Variants in SGCE observed in about 807,000 individuals in gnomAD.
SGCE encodes sarcoglycan epsilon.
Under a neutral mutation model 57.8 loss-of-function variants are expected in SGCE, and 26 were observed. That is an observed-to-expected ratio of 0.45 (90% CI 0.33 to 0.62). The LOEUF is 0.62. SGCE is among the 20% of genes least tolerant of loss of function. SGCE has a pLI of 0.02. For synonymous variants in SGCE, 183 were observed against 189.5 expected (o/e 0.97, Z 0.28); for missense variants, 468 against 548.6 (o/e 0.85, Z 1.47).
At chr7:94,623,250 A>G in intron 4 of SGCE, 75 bp downstream of exon 4, 2 of 901,530 alleles carry the variant, frequency 2.2e-6, no homozygotes, top group Non-Finnish European at 3.5e-6. Flanking sequence ...ATTCTTGACT[A>G]TATTTTATGT....
intron 1 of SGCE, among the ~76,000 whole-genome samples, chr7:94,645,113 G>A (rs73425464): frequency 0.34 from 51,144 of 151,980 alleles, 9,471 homozygotes; most frequent in Non-Finnish European, 0.41. Flanking sequence ...AACCCATTTC[G>A]TGGTTGACTG....
intron 1 of SGCE, among the ~76,000 whole-genome samples, chr7:94,637,498 G>T (rs1039502013): frequency 4.6e-5 from 7 of 152,104 alleles, no homozygotes; most frequent in Admixed American, 1.3e-4. Flanking sequence ...GAAAACTCTA[G>T]TTATCTCTTG....
Position 94,646,296 on chromosome 7 carries a change from A to G in SGCE, c.109+9694T>C, listed in dbSNP as rs563907284. 5.0e-4 allele frequency among the ~76,000 whole-genome samples: 76 copies of G among 152,358 alleles called. 1 individual carries two copies. Among genetic ancestry groups the G allele is most frequent in the African/African-American group, 1.8e-3 (73 of 41,590 alleles). The stretch of plus-strand genomic sequence containing the variant: ...AGCAAGACTCAACTGCATTAAACAC[A>G]ATATCAAAATTGAGTGGAAAGTTAA... On this transcript the variant is annotated intron_variant, in intron 1 of 10. Coordinates refer to ENST00000648936, the MANE Select transcript of SGCE (RefSeq NM_003919.3).
At position 94,649,583 on chromosome 7, in the gene SGCE, C is replaced by T. The variant is rs571802335; in HGVS notation, c.109+6407G>A. Among the ~76,000 whole-genome samples the T allele has an allele frequency of 9.2e-5, 14 of 152,310 alleles. 1 individual carries two copies. The East Asian group carries it at 9.6e-4, about 10-fold the overall frequency. ...TGGAAATATGAACTCAGCCCAAGAA[C>T]GCCCGTGGCATCTTCAACAACAGGG... On this transcript the variant is annotated intron_variant, in intron 1 of 10. Coordinates refer to ENST00000648936, the MANE Select transcript of SGCE (RefSeq NM_003919.3).
At chr7:94,599,206 A>G (rs1798853461) in intron 8 of SGCE, 3 of 443,958 alleles carry the variant, frequency 6.8e-6, no homozygotes, top group Non-Finnish European at 1.2e-5. Context: ...GCTATGAAGC[A>G]TTGTATTAAT....
intron 2 of SGCE, chr7:94,629,515 C>G: frequency 2.0e-6 from 1 of 500,546 alleles, no homozygotes; most frequent in Non-Finnish European, 3.6e-6. Flanking sequence ...CAGAAATATG[C>G]TTTCCTTAAC....
intron 9 of SGCE, among the ~76,000 whole-genome samples, chr7:94,596,679 C>A (rs1329819647): frequency 6.6e-6 from 1 of 152,078 alleles, no homozygotes; most frequent in Non-Finnish European, 1.5e-5. Flanking sequence ...TATTAATTAA[C>A]CCTTCTTAAA....
intron 3 of SGCE, chr7:94,625,368 T>TA (rs1254325259): frequency 6.6e-6 from 1 of 151,992 alleles, no homozygotes; most frequent in Non-Finnish European, 1.5e-5. Context: ...TTCTTTTTTT[T>TA]ATCTTTTTAC....
At chr7:94,592,939 TTA>T (rs1220634271) in intron 9 of SGCE, among the ~76,000 whole-genome samples, 1 of 152,108 alleles carries the variant, frequency 6.6e-6, no homozygotes, top group Admixed American at 6.6e-5. Flanking sequence ...TAAGAAATAG[TTA>T]TATATTTTTG....
intron 1 of SGCE, among the ~76,000 whole-genome samples, chr7:94,638,578 A>G (rs1805933146): frequency 6.6e-6 from 1 of 152,022 alleles, no homozygotes; most frequent in African/African-American, 2.4e-5. Flanking sequence ...TAGAGAAACT[A>G]CTATTCTGCT....
intron 6 of SGCE, among the ~76,000 whole-genome samples, chr7:94,602,206 A>G (rs1799366614): frequency 6.6e-6 from 1 of 152,126 alleles, no homozygotes. Context: ...GCACCCTTGT[A>G]TCGTTAGCAC....
At chr7:94,639,312 AG>A (rs904489596) in intron 1 of SGCE, 2 of 1,334,630 alleles carry the variant, frequency 1.5e-6, no homozygotes, top group African/African-American at 2.9e-5. Flanking sequence ...GCTCCCCCAA[AG>A]GGATTTAGAT....
rs1796759278 is a variant in SGCE at position 94,585,380 on chromosome 7, C to T, written c.*119G>A. 1 of 886,622 alleles carries T rather than the reference C, an allele frequency of 1.1e-6. No homozygotes were observed. Among genetic ancestry groups the T allele is most frequent in the South Asian group, 1.4e-5 (1 of 72,102 alleles). The allele number at this position is 886,622 out of a possible 1,614,324, so 54.9% of individuals were successfully genotyped here. ...TGTATTATTTGGTATACACTTAATACTGCCAACATGCATAACATATGCCAG... is the reference window on the plus strand; with the variant it reads ...TGTATTATTTGGTATACACTTAATATTGCCAACATGCATAACATATGCCAG... On this transcript the variant is annotated 3_prime_UTR_variant, in exon 11 of 11. Transcript: ENST00000648936.
At chr7:94,654,487 T>C (rs978758758) in intron 1 of SGCE, among the ~76,000 whole-genome samples, 1 of 152,216 alleles carries the variant, frequency 6.6e-6, no homozygotes, top group Non-Finnish European at 1.5e-5. Flanking sequence ...CTGGAATTAT[T>C]CTATCTTGCA....
At chr7:94,619,759 C>A (rs1802489731) in intron 4 of SGCE, 1 of 152,164 alleles carries the variant, frequency 6.6e-6, no homozygotes. Context: ...TTAATTCTCA[C>A]AACAAGAGGG....
rs1262368056 is a variant in SGCE, at chr7:94,598,760, T to C, written c.1253+15A>G. 2 of 1,560,484 alleles carry C rather than the reference T, an allele frequency of 1.3e-6. No homozygotes were observed. Among genetic ancestry groups the C allele is most frequent in the African/African-American group, 1.4e-5 (1 of 73,732 alleles). ...ACATGCATATTAATAATTATGGCTCTAAGTGGACACTTACTGCTGCGTTTG... is the reference window on the plus strand; with the variant it reads ...ACATGCATATTAATAATTATGGCTCCAAGTGGACACTTACTGCTGCGTTTG... On this transcript the variant is annotated intron_variant, in intron 9 of 10. Coordinates refer to ENST00000648936, the MANE Select transcript of SGCE (RefSeq NM_003919.3).
chr7:94,595,003 C>T (rs1798192245), intron 9 of SGCE, among the ~76,000 whole-genome samples: 2 of 152,104 alleles, frequency 1.3e-5, no homozygotes, highest in South Asian at 4.1e-4. Context: ...ATCAGAGATC[C>T]TTCTGAGGTC....
intron 10 of SGCE, chr7:94,587,835 T>G: frequency 6.5e-7 from 1 of 1,533,020 alleles, no homozygotes; most frequent in Non-Finnish European, 8.8e-7. Context: ...AAAGCAGTAA[T>G]AGAGAAGATA....
In SGCE at chr7:94,653,224, G is replaced by T. The variant is rs114522163; in HGVS notation, c.109+2766C>A. Reference sequence around the variant, plus strand: ...GTAAAATGTCCAAAGAGAAAGTCTAGTTATTATCTAACAAGTGAAAATCCC... The same window carrying T: ...GTAAAATGTCCAAAGAGAAAGTCTATTTATTATCTAACAAGTGAAAATCCC... On this transcript the variant is annotated intron_variant, in intron 1 of 10. Transcript: ENST00000648936. Among the ~76,000 whole-genome samples the T allele has an allele frequency of 8.5e-3, 1,297 of 152,138 alleles. 13 individuals carry two copies. Among genetic ancestry groups the T allele is most frequent in the African/African-American group, 0.029 (1,189 of 41,532 alleles).
Sources: gnomAD v4.1 joint callset for allele counts (sites outside exome capture counted in the v4.1 genomes callset) on GRCh38, gnomAD v4.1.1 for gene constraint, MANE v1.5 for transcripts, NCBI Gene and HGNC (gene_info 2026-07-23, HGNC 2026-07-21) for gene names.